ZBTB20: variants seen among roughly 807,000 people sequenced by gnomAD.
ZBTB20 encodes zinc finger and BTB domain-containing protein 20.
ZBTB20 carries 9 observed loss-of-function variants against 56.9 expected under a neutral mutation model. That is an observed-to-expected ratio of 0.16 (90% confidence interval 0.10 to 0.28). ZBTB20 has a LOEUF of 0.28. Ranked by LOEUF, ZBTB20 falls within the 10% of genes least tolerant of loss-of-function variation. ZBTB20 has a pLI of 1.00. For missense variants in ZBTB20, 655 were observed against 1,003.0 expected, an observed-to-expected ratio of 0.65 and a Z score of 4.69; for synonymous variants, 417 against 420.7, an observed-to-expected ratio of 0.99 and a Z score of 0.11.
At position 114,408,200 on chromosome 3, in the gene ZBTB20, G is replaced by A. The variant is rs1436970566; in HGVS notation, c.-254-19095C>T. On this transcript the variant is annotated intron_variant, in intron 7 of 11. Transcript: ENST00000675478. The stretch of plus-strand genomic sequence containing the variant: ...GTTAATTTTTGTAGCATGCTTATAT[G>A]ATAAAAAATACTATGTAAGTACTGA... Among the ~76,000 whole-genome samples the A allele has an allele frequency of 2.0e-5, 3 of 152,134 alleles. No individual in the cohort carries two copies. The East Asian group carries it at 5.8e-4, about 29-fold the overall frequency.
rs137928439 is a variant in ZBTB20 at position 114,765,197 on chromosome 3, A to C, written c.-343+35904T>G. Among the ~76,000 whole-genome samples, 499 of 152,296 alleles carry C rather than the reference A, an allele frequency of 3.3e-3. 4 individuals are homozygous for C. The highest frequency in any genetic ancestry group is 0.011 in the African/African-American group (478 of 41,566). ...AAGCTCTGCACAAAAAATAGTGTTC[A>C]TAATTATTATGGGTTTAATTGTGCC... is the stretch of plus-strand genomic sequence containing the variant. On this transcript the variant is annotated intron_variant, in intron 5 of 11. Transcript: ENST00000675478.
intron 6 of ZBTB20, among the ~76,000 whole-genome samples, chr3:114,602,399 A>G (rs769619779): frequency 6.6e-6 from 1 of 152,000 alleles, no homozygotes; most frequent in Non-Finnish European, 1.5e-5. Flanking sequence ...GTATACGTGG[A>G]ACTCTGAGAT....
intron 7 of ZBTB20, among the ~76,000 whole-genome samples, chr3:114,423,777 A>G (rs16822651): frequency 0.067 from 10,139 of 152,292 alleles, 426 homozygotes; most frequent in East Asian, 0.19. Flanking sequence ...TTTAGTTAAC[A>G]TGCTACTAGA....
chr3:115,041,347 T>C (rs767272976), intron 2 of ZBTB20, among the ~76,000 whole-genome samples: 2 of 152,172 alleles, frequency 1.3e-5, no homozygotes, highest in African/African-American at 2.4e-5. Context: ...TCCCAGTTTA[T>C]ATGGTACAGT....
intron 2 of ZBTB20, among the ~76,000 whole-genome samples, chr3:115,010,928 T>C (rs1310813659): frequency 1.3e-5 from 2 of 151,900 alleles, no homozygotes; most frequent in Non-Finnish European, 2.9e-5. Context: ...CAGAATTTTA[T>C]CAGATAAATT....
intron 7 of ZBTB20, among the ~76,000 whole-genome samples, chr3:114,483,644 T>C (rs958930186): frequency 6.6e-6 from 1 of 152,148 alleles, no homozygotes; most frequent in Admixed American, 6.5e-5. Context: ...GACTGAACGA[T>C]ATGTAAGTGA....
chr3:114,866,506 G>A (rs1337487040), intron 4 of ZBTB20, among the ~76,000 whole-genome samples: 1 of 152,198 alleles, frequency 6.6e-6, no homozygotes, highest in Non-Finnish European at 1.5e-5. Flanking sequence ...CTGAGCCACA[G>A]GGTGCTCAGA....
intron 7 of ZBTB20, among the ~76,000 whole-genome samples, chr3:114,479,368 C>G (rs752096166): frequency 5.3e-5 from 8 of 152,186 alleles, no homozygotes; most frequent in Non-Finnish European, 1.0e-4. Flanking sequence ...TAAGTCACTA[C>G]TCACACTAAT....
intron 5 of ZBTB20, among the ~76,000 whole-genome samples, chr3:114,771,073 T>C (rs6791915): frequency 0.15 from 23,367 of 152,176 alleles, 2,814 homozygotes; most frequent in African/African-American, 0.34. Context: ...CATATATGAC[T>C]TCTGTTACGC....
intron 1 of ZBTB20, among the ~76,000 whole-genome samples, chr3:115,128,660 A>C (rs1376101120): frequency 6.8e-6 from 1 of 146,454 alleles, no homozygotes. Context: ...CAAGATTCTG[A>C]CTCAAAAAAA....
At chr3:114,624,838 G>C (rs2058560743) in intron 6 of ZBTB20, 1 of 152,806 alleles carries the variant, frequency 6.5e-6, no homozygotes, top group Admixed American at 6.5e-5. Flanking sequence ...ACTACTGCTT[G>C]TTGAGGACTT....
chr3:114,490,423 G>A (rs1430180170), intron 7 of ZBTB20, among the ~76,000 whole-genome samples: 2 of 152,006 alleles, frequency 1.3e-5, no homozygotes, highest in African/African-American at 2.4e-5. Context: ...GAGTTTCACT[G>A]TGTTGGCCAG....
rs184161693 is a variant in ZBTB20 at position 114,943,672 on chromosome 3, A to G, written c.-456+30694T>C. Among the ~76,000 whole-genome samples the G allele has an allele frequency of 2.9e-3, 418 of 145,540 alleles. 85 individuals are homozygous for G. Among genetic ancestry groups the G allele is most frequent in the African/African-American group, 0.011 (411 of 35,762 alleles). On this transcript the variant is annotated intron_variant, in intron 3 of 11. Transcript: ENST00000675478. ...AATAGAAAATATCCAGAATAAAACAAAGAGAGAAATAAGGATGATAATAAA... is the reference window on the plus strand; with the variant it reads ...AATAGAAAATATCCAGAATAAAACAGAGAGAGAAATAAGGATGATAATAAA...
At chr3:114,720,848 C>T (rs1470966139) in intron 5 of ZBTB20, among the ~76,000 whole-genome samples, 5 of 151,868 alleles carry the variant, frequency 3.3e-5, no homozygotes, top group African/African-American at 2.4e-5. Flanking sequence ...TGGGATAATG[C>T]CCAGAAGGAA....
intron 2 of ZBTB20, among the ~76,000 whole-genome samples, chr3:114,997,466 G>A (rs2079074038): frequency 6.6e-6 from 1 of 151,620 alleles, no homozygotes; most frequent in African/African-American, 2.4e-5. Flanking sequence ...TACATGAAAA[G>A]TCAAAAAGCA....
intron 5 of ZBTB20, among the ~76,000 whole-genome samples, chr3:114,793,765 C>T (rs1187593306): frequency 2.0e-5 from 3 of 151,996 alleles, no homozygotes; most frequent in Admixed American, 6.6e-5. Flanking sequence ...AGTATGAATG[C>T]AGGCTCAAGC....
intron 10 of ZBTB20, among the ~76,000 whole-genome samples, chr3:114,364,297 C>G (rs2082175498): frequency 6.6e-6 from 1 of 152,094 alleles, no homozygotes; most frequent in South Asian, 2.1e-4. Flanking sequence ...TCTAAAAATA[C>G]AAAATTAGCT....
At chr3:114,941,089 A>T (rs1303128952) in intron 3 of ZBTB20, among the ~76,000 whole-genome samples, 2 of 146,556 alleles carry the variant, frequency 1.4e-5, no homozygotes, top group Admixed American at 1.3e-4. Context: ...GGCATACCTC[A>T]TATTTATCAC....
At chr3:114,462,900 C>T (rs1431144923) in intron 7 of ZBTB20, among the ~76,000 whole-genome samples, 1 of 152,176 alleles carries the variant, frequency 6.6e-6, no homozygotes, top group Admixed American at 6.5e-5. Flanking sequence ...GTGACGTATG[C>T]CTCTTGGCCT....
Sources: allele counts gnomAD v4.1 joint callset (sites outside exome capture counted in the v4.1 genomes callset), GRCh38; gene constraint gnomAD v4.1.1; transcripts MANE v1.5; gene names NCBI Gene and HGNC (gene_info 2026-07-23, HGNC 2026-07-21).